FLI1: variants seen among roughly 807,000 people sequenced by gnomAD.
FLI1 encodes Friend leukemia integration 1 transcription factor.
In FLI1, 13 loss-of-function variants were observed where a neutral mutation model predicts 53.1. The ratio of observed to expected loss-of-function variants is 0.24; its 90% CI spans 0.16 to 0.39. FLI1 has a LOEUF of 0.39. Among genes scored for constraint, FLI1 ranks in the 10% least tolerant of loss-of-function variants. FLI1 has a pLI of 1.00. For missense variants in FLI1, 424 were observed against 600.5 expected, an observed-to-expected ratio of 0.71 and a Z score of 3.07; for synonymous variants, 244 against 236.7, an observed-to-expected ratio of 1.03 and a Z score of -0.28.
chr11:128,782,373 A>C (rs1022305770), intron 5 of FLI1, among the ~76,000 whole-genome samples: 1 of 152,198 alleles, frequency 6.6e-6, no homozygotes, highest in African/African-American at 2.4e-5. Flanking sequence ...GGATTCCAGC[A>C]TGTCTACCTT....
intron 1 of FLI1, among the ~76,000 whole-genome samples, chr11:128,723,057 G>A (rs1939319441): frequency 6.6e-6 from 1 of 152,168 alleles, no homozygotes; most frequent in South Asian, 2.1e-4. Flanking sequence ...AAGAGGGCAA[G>A]CTAGCTCTCT....
intron 4 of FLI1, among the ~76,000 whole-genome samples, chr11:128,780,830 A>G (rs1010552781): frequency 1.3e-5 from 2 of 152,180 alleles, no homozygotes; most frequent in African/African-American, 4.8e-5. Flanking sequence ...TGTTTAGAAG[A>G]ATTTTCTTAG....
chr11:128,693,941 C>CGAGAGAGAGA (rs57930585), upstream of FLI1: 189 of 176,648 alleles, frequency 1.1e-3, 3 homozygotes, highest in African/African-American at 1.8e-3. Context: ...GAGCTCGAGG[C>CGAGAGAGAGA]GAGAGAGAGA....
chr11:128,748,311 A>G (rs941489322), intron 1 of FLI1: 3 of 958,828 alleles, frequency 3.1e-6, no homozygotes, highest in Admixed American at 6.2e-5. Flanking sequence ...GGGGAAAGGC[A>G]CTTGGGAGGG....
Position 128,772,918 on chromosome 11 carries a change from C to T in FLI1, c.522C>T (p.Asp174=), listed in dbSNP as rs1175523281. ...GKELCKMNKE[D]FLRATTLYNT... is the part of the protein sequence containing the mutation. ...AACTGTGTAAAATGAACAAGGAGGACTTCCTCCGCGCCACCACCCTCTACA... is the reference window on the plus strand; with the variant it reads ...AACTGTGTAAAATGAACAAGGAGGATTTCCTCCGCGCCACCACCCTCTACA... Residue 174 remains aspartate, a synonymous_variant, in exon 4 of 9, where the codon GAC becomes GAT. Transcript: ENST00000527786. 3 of 1,614,032 alleles carry T rather than the reference C, an allele frequency of 1.9e-6. No individual in the cohort carries two copies. Among genetic ancestry groups the T allele is most frequent in the South Asian group, 2.2e-5 (2 of 91,082 alleles).
In FLI1 at chr11:128,772,075, CACAT is replaced by C. The variant is rs768207461; in HGVS notation, c.386-703_386-700del. The stretch of plus-strand genomic sequence containing the variant: ...ACACACACACACACACACACACACA[CACAT>C]ACACACACTGAGAAGGAGGAGGAGG... On this transcript the variant is annotated intron_variant, in intron 3 of 8. Transcript: ENST00000527786. Among the ~76,000 whole-genome samples, 204 of 126,170 alleles carry C rather than the reference CACAT, an allele frequency of 1.6e-3. 1 individual carries two copies. Among genetic ancestry groups the C allele is most frequent in the African/African-American group, 4.5e-3 (140 of 30,962 alleles). The allele number at this position is 126,170 out of a possible 152,430, so 82.8% of individuals were successfully genotyped here.
intron 2 of FLI1, among the ~76,000 whole-genome samples, 173 bp downstream of exon 2, chr11:128,758,499 G>T (rs1940985271): frequency 6.6e-6 from 1 of 152,164 alleles, no homozygotes; most frequent in African/African-American, 2.4e-5. Flanking sequence ...ACTGATGATG[G>T]GGTGGAGTAG....
At chr11:128,694,858 C>T in intron 1 of FLI1, among the ~76,000 whole-genome samples, 1 of 152,146 alleles carries the variant, frequency 6.6e-6, no homozygotes, top group East Asian at 1.9e-4. Context: ...GTTTACATGT[C>T]AGCGCTTTCC....
intron 5 of FLI1, among the ~76,000 whole-genome samples, chr11:128,787,963 C>A (rs548842276): frequency 8.6e-5 from 13 of 151,726 alleles, no homozygotes; most frequent in Non-Finnish European, 1.5e-4. Flanking sequence ...CCCGCCACCA[C>A]GCCCAGCTAA....
At chr11:128,783,140 T>C (rs543707032) in intron 5 of FLI1, among the ~76,000 whole-genome samples, 2 of 152,204 alleles carry the variant, frequency 1.3e-5, no homozygotes, top group African/African-American at 4.8e-5. Flanking sequence ...CCAAAATATA[T>C]AAGAAAGGCA....
At chr11:128,687,086 G>A (rs1865818201) in intron 1 of FLI1, among the ~76,000 whole-genome samples, 1 of 152,370 alleles carries the variant, frequency 6.6e-6, no homozygotes, top group East Asian at 1.9e-4. Flanking sequence ...CTGTGCATGT[G>A]TGCATGCGTG....
chr11:128,768,223 C>T lies in FLI1; in HGVS notation c.336C>T (p.Pro112=), dbSNP rs1235751770. 1 of 1,613,806 alleles carries T rather than the reference C, an allele frequency of 6.2e-7. No individual in the cohort carries two copies. The highest frequency in any genetic ancestry group is 8.5e-7 in the Non-Finnish European group (1 of 1,179,884). Reference sequence around the variant, plus strand: ...GCTATATGGACGAGAAGAATGGCCCCCCTCCTCCCAACATGACCACCAACG... The same window carrying T: ...GCTATATGGACGAGAAGAATGGCCCTCCTCCTCCCAACATGACCACCAACG... ...YNSYMDEKNG[P]PPPNMTTNER... is the part of the protein sequence containing the mutation. The change falls in exon 3 of 9, where the codon CCC becomes CCT. Residue 112 remains proline (P), a synonymous_variant. Coordinates refer to ENST00000527786, the MANE Select transcript of FLI1 (RefSeq NM_002017.5).
At chr11:128,795,185 T>C (rs918500870) in intron 5 of FLI1, among the ~76,000 whole-genome samples, 1 of 152,218 alleles carries the variant, frequency 6.6e-6, no homozygotes, top group Non-Finnish European at 1.5e-5. Context: ...GACAATTACT[T>C]TATCTGTCAA....
chr11:128,812,214 T>G lies in FLI1; in HGVS notation c.*1226T>G, dbSNP rs1022804299. ...GTAACAGTACTGCAATAATCACAGC[T>G]CTGGGAAAAACAACGAAACTTTCCC... is the stretch of plus-strand genomic sequence containing the variant. On this transcript the variant is annotated 3_prime_UTR_variant, in exon 9 of 9. Coordinates refer to ENST00000527786, the MANE Select transcript of FLI1 (RefSeq NM_002017.5). The G allele has an allele frequency of 9.1e-5, 20 of 219,038 alleles. No homozygotes were observed. Among genetic ancestry groups the G allele is most frequent in the Non-Finnish European group, 1.7e-4 (18 of 109,058 alleles). The allele number at this position is 219,038 out of a possible 1,614,324, so 13.6% of individuals were successfully genotyped here.
At chr11:128,731,592 T>C (rs1939703075) in intron 1 of FLI1, among the ~76,000 whole-genome samples, 1 of 152,126 alleles carries the variant, frequency 6.6e-6, no homozygotes, top group South Asian at 2.1e-4. Flanking sequence ...CTGAGTGAAC[T>C]TGCATGAAAA....
intron 2 of FLI1, among the ~76,000 whole-genome samples, chr11:128,765,795 T>C (rs1941318673): frequency 6.6e-6 from 1 of 152,110 alleles, no homozygotes; most frequent in African/African-American, 2.4e-5. Flanking sequence ...CGCGTGTGTG[T>C]AATGTGTATG....
chr11:128,808,389 A>G (rs1159471032), intron 7 of FLI1, among the ~76,000 whole-genome samples: 1 of 152,234 alleles, frequency 6.6e-6, no homozygotes, highest in African/African-American at 2.4e-5. Context: ...CTCAACTAAC[A>G]AAAAAGGAGA....
At chr11:128,733,923 A>G (rs991047366) in intron 1 of FLI1, among the ~76,000 whole-genome samples, 2 of 152,216 alleles carry the variant, frequency 1.3e-5, no homozygotes, top group African/African-American at 4.8e-5. Flanking sequence ...TGCTCCTCCT[A>G]TCTGGGCTGC....
intron 1 of FLI1, among the ~76,000 whole-genome samples, chr11:128,723,933 A>ATTTTTTT (rs376612983): frequency 4.9e-5 from 4 of 80,996 alleles, no homozygotes; most frequent in Admixed American, 1.4e-4. Flanking sequence ...AATGGAGTTG[A>ATTTTTTT]TTTTTTTTTT....
Sources: allele counts gnomAD v4.1 joint callset (sites outside exome capture counted in the v4.1 genomes callset), GRCh38; gene constraint gnomAD v4.1.1; transcripts MANE v1.5; gene names NCBI Gene and HGNC (gene_info 2026-07-23, HGNC 2026-07-21).